The following ANAPC15 variants were observed in gnomAD, a reference collection of about 807,000 sequenced individuals.
ANAPC15 encodes the protein anaphase promoting complex subunit 15, also known as anaphase-promoting complex subunit 15.
In ANAPC15, 13 loss-of-function variants were observed where a neutral mutation model predicts 19.8. The ratio of observed to expected loss-of-function variants is 0.66; its 90% CI spans 0.43 to 1.04. The LOEUF is 1.04. Ranked by LOEUF, ANAPC15 falls within the 50% of genes least tolerant of loss-of-function variation. The pLI is 0.00. For missense variants in ANAPC15, 88 were observed against 150.3 expected, an observed-to-expected ratio of 0.59 and a Z score of 2.17; for synonymous variants, 45 against 50.7, an observed-to-expected ratio of 0.89 and a Z score of 0.47.
At chr11:72,108,032 G>A (rs1047482927), downstream of ANAPC15, 3 of 1,551,412 alleles carry the variant, frequency 1.9e-6, no homozygotes, top group East Asian at 4.9e-5. Context: ...TGCCCCCTGG[G>A]GGTCGCCTTC....
At position 72,110,160 on chromosome 11, in the gene ANAPC15, A is replaced by G. The variant is rs1946331353; in HGVS notation, c.246T>C (p.Asp82=). ...DDEDSEEDSE[D]DEDMQDMDEM... is the part of the protein sequence containing the mutation. ...CGTCCATGTCCTGCATATCCTCATC[A>G]TCCTCTGAGTCCTCTTCACTATCCT... is the stretch of plus-strand genomic sequence containing the variant. Residue 82 remains aspartate, a synonymous_variant, in exon 5 of 6, where the codon GAT becomes GAC. Coordinates refer to ENST00000227618, the MANE Select transcript of ANAPC15 (RefSeq NM_014042.3). 1 of 1,613,842 alleles carries G rather than the reference A, an allele frequency of 6.2e-7. No homozygotes were observed. Among genetic ancestry groups the G allele is most frequent in the African/African-American group, 1.3e-5 (1 of 74,820 alleles).
downstream of ANAPC15, chr11:72,109,195 C>A: frequency 2.0e-6 from 1 of 501,238 alleles, no homozygotes; most frequent in Admixed American, 3.1e-5. Flanking sequence ...AGCTCTGTCA[C>A]TGATTTGCTG....
rs753901875 is a variant in ANAPC15, at chr11:72,110,215, T to A, written c.191A>T (p.Asp64Val). ...ATCTTCATCATCCTCTTCTTCCTCG[T>A]CATCATAGTGCTGGTGGGCAGGACA... ...IGKPASEHYD[D>V]EEEEDDEDDE... Residue 64 changes from aspartate to valine, a missense_variant, in exon 5 of 6, where the codon GAC becomes GTC. Transcript: ENST00000227618. The A allele has an allele frequency of 2.5e-6, 4 of 1,613,926 alleles. No individual in the cohort carries two copies. Among genetic ancestry groups the A allele is most frequent in the Non-Finnish European group, 3.4e-6 (4 of 1,180,028 alleles).
downstream of ANAPC15, chr11:72,106,786 C>G (rs1469938260): frequency 6.6e-6 from 1 of 151,832 alleles, no homozygotes; most frequent in African/African-American, 2.4e-5. Context: ...ACAAAAAATA[C>G]AAAAATTACC....
downstream of ANAPC15, chr11:72,108,209 G>A: frequency 8.4e-7 from 1 of 1,191,366 alleles, no homozygotes; most frequent in South Asian, 1.8e-5. Context: ...CTAAGGAGAA[G>A]GAAGCACCTC....
At chr11:72,107,633 A>G, downstream of ANAPC15, 1 of 641,806 alleles carries the variant, frequency 1.6e-6, no homozygotes, top group South Asian at 1.7e-5. Context: ...GATCAGGTCC[A>G]AGGTCCTGAA....
At chr11:72,112,597 G>T (rs1044547328) in intron 1 of ANAPC15, 53 bp downstream of exon 1, 2 of 450,418 alleles carry the variant, frequency 4.4e-6, no homozygotes, top group Non-Finnish European at 8.9e-6. Context: ...TTCTCTGGGG[G>T]AAAAAGGAAT....
rs1326800355 is a variant in ANAPC15 at position 72,111,272 on chromosome 11, G to T, written c.5C>A (p.Ser2Tyr). 1 of 1,612,312 alleles carries T rather than the reference G, an allele frequency of 6.2e-7. No individual in the cohort carries two copies. Residue 2 changes from serine (S) to tyrosine (Y), a missense_variant, in exon 3 of 6, where the codon TCC becomes TAC. Coordinates refer to ENST00000227618, the MANE Select transcript of ANAPC15 (RefSeq NM_014042.3). ...AGGGAAGAGTGAGGGGAACAAAGTGGACATGGCTCCTAGACTGAGGGAAAG... is the reference window on the plus strand; with the variant it reads ...AGGGAAGAGTGAGGGGAACAAAGTGTACATGGCTCCTAGACTGAGGGAAAG... M[S>Y]TLFPSLFPRV...
intron 5 of ANAPC15, 31 bp downstream of exon 5, chr11:72,110,057 A>C: frequency 6.2e-7 from 1 of 1,614,046 alleles, no homozygotes; most frequent in South Asian, 1.1e-5. Flanking sequence ...GGGTCCAGGA[A>C]CAGAGGCCCT....
chr11:72,108,319 A>G (rs950338306), downstream of ANAPC15, among the ~76,000 whole-genome samples: 45 of 152,184 alleles, frequency 3.0e-4, 1 homozygote, highest in Admixed American at 2.2e-3. Context: ...AGAAACAGCT[A>G]AGAGGAAGGT....
rs1946443988 is a variant in ANAPC15, at chr11:72,110,416, C to T, written c.180+128G>A. 4.6e-6 allele frequency: 7 copies of T among 1,517,794 alleles called. No homozygotes were observed. The South Asian group carries it at 7.3e-5, about 16-fold the overall frequency. The allele number at this position is 1,517,794 out of a possible 1,614,324, so 94.0% of individuals were successfully genotyped here. A position where few individuals can be genotyped will look rare whatever the true frequency, so the allele number is the denominator to read the frequency against. ...CCCAATGCCCACCCCTTCTATCTCCCCTTTTAGGCTTTTACCCAGATCTGA... is the reference window on the plus strand; with the variant it reads ...CCCAATGCCCACCCCTTCTATCTCCTCTTTTAGGCTTTTACCCAGATCTGA... On this transcript the variant is annotated intron_variant, in intron 4 of 5. Coordinates refer to ENST00000227618, the MANE Select transcript of ANAPC15 (RefSeq NM_014042.3).
chr11:72,110,512 C>A, intron 4 of ANAPC15, 32 bp downstream of exon 4: 2 of 1,613,670 alleles, frequency 1.2e-6, no homozygotes, highest in Non-Finnish European at 1.7e-6. Flanking sequence ...ACTGCGGCCC[C>A]CACACAGGCC....
intron 3 of ANAPC15, 37 bp downstream of exon 3, chr11:72,111,120 T>G: frequency 7.4e-7 from 1 of 1,347,102 alleles, no homozygotes; most frequent in Non-Finnish European, 1.0e-6. Context: ...TCTCTGTCTG[T>G]GCTGAGGTCT....
chr11:72,108,544 G>A, downstream of ANAPC15: 1 of 1,389,024 alleles, frequency 7.2e-7, no homozygotes, highest in Middle Eastern at 1.9e-4. Context: ...GATCCTGGTG[G>A]GGTCTTGACT....
In ANAPC15 at chr11:72,112,602, A is replaced by G. The variant is rs185149863; in HGVS notation, c.-96+48T>C. ...GGAAATGGGTTTCTCTGGGGGAAAA[A>G]GGAATGAAGGGGCAAGGAGACGGTT... On this transcript the variant is annotated intron_variant, in intron 1 of 5. Transcript: ENST00000227618. 4.2e-5 allele frequency: 19 copies of G among 448,890 alleles called. No individual in the cohort carries two copies. The East Asian group carries it at 1.3e-3, about 30-fold the overall frequency. 27.8% of individuals were successfully genotyped at this position (448,890 alleles called of 1,614,324 possible). A position where few individuals can be genotyped will look rare whatever the true frequency, so the allele number is the denominator to read the frequency against.
downstream of ANAPC15, chr11:72,108,574 C>T: frequency 7.0e-7 from 1 of 1,437,016 alleles, no homozygotes; most frequent in Admixed American, 2.8e-5. Context: ...ATTCCCCCCA[C>T]CCTCACCTCC....
At chr11:72,108,557 G>C (rs748365454), downstream of ANAPC15, 63 of 1,420,466 alleles carry the variant, frequency 4.4e-5, no homozygotes, top group East Asian at 1.5e-3. Context: ...TCTTGACTGG[G>C]AGAACAATTC....
At chr11:72,109,038 T>C (rs1412601227), downstream of ANAPC15, 2 of 926,382 alleles carry the variant, frequency 2.2e-6, no homozygotes, top group Non-Finnish European at 3.1e-6. Flanking sequence ...GGCTCAGGGC[T>C]AGGGAGTCTC....
At chr11:72,109,549 C>T, downstream of ANAPC15, 1 of 440,434 alleles carries the variant, frequency 2.3e-6, no homozygotes, top group Non-Finnish European at 4.2e-6. Context: ...ATGCTGGACT[C>T]CTCTGGGCCC....
Sources: allele counts gnomAD v4.1 joint callset (sites outside exome capture counted in the v4.1 genomes callset), GRCh38; gene constraint gnomAD v4.1.1; transcripts MANE v1.5; gene names NCBI Gene and HGNC (gene_info 2026-07-23, HGNC 2026-07-21).